The following FANCA variants were observed in gnomAD, a reference collection of about 807,000 sequenced individuals.
FANCA encodes the protein Fanconi anemia group A protein.
In FANCA, 236 loss-of-function variants were observed where a neutral mutation model predicts 194.3. That is an observed-to-expected ratio of 1.21 (90% CI 1.09 to 1.35). The LOEUF (loss-of-function observed/expected upper bound fraction) is 1.35. Among genes scored for constraint, FANCA ranks in the 40% most tolerant of loss-of-function variants. FANCA has a pLI of 0.00. For synonymous variants in FANCA, 1,014 were observed against 715.8 expected (o/e 1.42, Z -6.65); for missense variants, 2,628 against 1,813.9 (o/e 1.45, Z -8.15).
rs1158850217 is a variant in FANCA at position 89,784,883 on chromosome 16, C to G, written c.1441G>C (p.Val481Leu). 1.2e-6 allele frequency: 2 copies of G among 1,614,100 alleles called. No homozygotes were observed. The highest frequency in any genetic ancestry group is 1.7e-6 in the Non-Finnish European group (2 of 1,179,954). The change falls in exon 15 of 43, where the codon GTG becomes CTG. Residue 481 changes from valine (V) to leucine (L), a missense_variant. Transcript: ENST00000389301. ...AGGTACCGGGGAGACTCAAAAGGCA[C>G]GAGTTCTGACAAGAACGTAAACAGG... is the stretch of plus-strand genomic sequence containing the variant. Reference protein sequence around the residue: ...VFLFTFLSELVPFESPRYLQV... With the variant: ...VFLFTFLSELLPFESPRYLQV...
chr16:89,795,594 C>T (rs541169466), intron 11 of FANCA, among the ~76,000 whole-genome samples: 5 of 152,280 alleles, frequency 3.3e-5, no homozygotes, highest in South Asian at 2.1e-4. Flanking sequence ...GCTGAGATCA[C>T]GCCACTGCAC....
intron 33 of FANCA, among the ~76,000 whole-genome samples, chr16:89,747,311 G>A (rs887167223): frequency 1.3e-5 from 2 of 152,230 alleles, no homozygotes; most frequent in South Asian, 2.1e-4. Context: ...CCAACTGAGA[G>A]CTTTCTGAAA....
At chr16:89,744,797 C>T (rs900814952) in intron 36 of FANCA, 162 bp downstream of exon 36, 3 of 702,314 alleles carry the variant, frequency 4.3e-6, no homozygotes, top group Non-Finnish European at 7.6e-6. Context: ...GTTGGGATTA[C>T]AGGCGCCCAC....
At chr16:89,772,206 G>A (rs2039350157) in intron 22 of FANCA, among the ~76,000 whole-genome samples, 1 of 152,196 alleles carries the variant, frequency 6.6e-6, no homozygotes, top group South Asian at 2.1e-4. Context: ...ATCATTTAAA[G>A]GTGAAAACCG....
At chr16:89,744,675 T>G (rs2062204455) in intron 36 of FANCA, 2 of 438,806 alleles carry the variant, frequency 4.6e-6, no homozygotes, top group African/African-American at 2.1e-5. Context: ...GTTTTTTTTT[T>G]TGTTTTTTTT....
At chr16:89,803,430 G>A in intron 7 of FANCA, 89 bp from the exon 8 acceptor site, 9 of 1,242,460 alleles carry the variant, frequency 7.2e-6, no homozygotes, top group Non-Finnish European at 8.3e-6. Context: ...CAGAGGGGCG[G>A]GTGAGCATAT....
chr16:89,764,745 C>T (rs1277445885), intron 28 of FANCA, 145 bp downstream of exon 28: 19 of 974,366 alleles, frequency 1.9e-5, no homozygotes, highest in Non-Finnish European at 3.0e-5. Flanking sequence ...AGGAGACAGT[C>T]GGCACACACA....
intron 29 of FANCA, among the ~76,000 whole-genome samples, chr16:89,759,752 C>T (rs1014460961): frequency 6.6e-6 from 1 of 152,176 alleles, no homozygotes; most frequent in South Asian, 2.1e-4. Flanking sequence ...CAGAGTGAGA[C>T]CCTGTCTCAA....
chr16:89,770,940 T>G (rs1323400646), intron 23 of FANCA, among the ~76,000 whole-genome samples: 1 of 152,002 alleles, frequency 6.6e-6, no homozygotes, highest in Non-Finnish European at 1.5e-5. Flanking sequence ...ACAGCCTCTG[T>G]CGCATATTCT....
Position 89,776,190 on chromosome 16 carries a change from CAG to C in FANCA, c.1827-377_1827-376del, listed in dbSNP as rs1053954562. Among the ~76,000 whole-genome samples, 15 of 103,098 alleles carry C rather than the reference CAG, an allele frequency of 1.5e-4. No individual in the cohort carries two copies. In the East Asian group the frequency reaches 3.1e-3, roughly 21 times the overall value. 67.6% of individuals were successfully genotyped at this position (103,098 alleles called of 152,430 possible). The stretch of plus-strand genomic sequence containing the variant: ...TTTTTTTTTTTTTTTTTTTTTGAGA[CAG>C]AGTCTCCCACTATCACCCACACTGG... On this transcript the variant is annotated intron_variant, in intron 20 of 42. Coordinates refer to ENST00000389301, the MANE Select transcript of FANCA (RefSeq NM_000135.4).
chr16:89,788,936 C>A (rs2039980919), intron 14 of FANCA, among the ~76,000 whole-genome samples: 1 of 151,916 alleles, frequency 6.6e-6, no homozygotes, highest in Non-Finnish European at 1.5e-5. Context: ...ACCAAAACAC[C>A]ACCACCAACA....
At position 89,769,802 on chromosome 16, in the gene FANCA, A is replaced by G. The variant is rs902300768; in HGVS notation, c.2504+35T>C. On this transcript the variant is annotated intron_variant, in intron 26 of 42. Transcript: ENST00000389301. Reference sequence around the variant, plus strand: ...GAGCATGTGTCACTTTTCGAGAGAGAGGAGAGAAGACGCGACTGTGGAAGA... The same window carrying G: ...GAGCATGTGTCACTTTTCGAGAGAGGGGAGAGAAGACGCGACTGTGGAAGA... The G allele has an allele frequency of 6.8e-6, 11 of 1,610,492 alleles. No individual in the cohort carries two copies. In the Middle Eastern group the frequency reaches 6.6e-4, roughly 97 times the overall value.
At chr16:89,746,394 G>A (rs549962010) in intron 35 of FANCA, among the ~76,000 whole-genome samples, 190 bp downstream of exon 35, 1 of 152,256 alleles carries the variant, frequency 6.6e-6, no homozygotes, top group East Asian at 1.9e-4. Context: ...GGACGGTTCT[G>A]GGAACTCAGG....
intron 6 of FANCA, among the ~76,000 whole-genome samples, chr16:89,807,570 C>A (rs1159191525): frequency 6.6e-6 from 1 of 151,730 alleles, no homozygotes; most frequent in Admixed American, 6.6e-5. Context: ...GCTAACATGG[C>A]GAAACCACAT....
At chr16:89,744,537 G>A (rs938455354) in intron 36 of FANCA, 15 of 303,536 alleles carry the variant, frequency 4.9e-5, no homozygotes, top group African/African-American at 1.5e-4. Context: ...AGCACGCGGT[G>A]CACTCTAGGA....
rs560190575 is a variant in FANCA, at chr16:89,762,191, G to C, written c.2779-169C>G. Among the ~76,000 whole-genome samples, 12 of 152,302 alleles carry C rather than the reference G, an allele frequency of 7.9e-5. No individual in the cohort carries two copies. In the East Asian group the frequency reaches 1.5e-3, roughly 20 times the overall value. On this transcript the variant is annotated intron_variant, in intron 28 of 42. Coordinates refer to ENST00000389301, the MANE Select transcript of FANCA (RefSeq NM_000135.4). ...AGGAAAGAAACCTTAGTTTTATCAA[G>C]AATGATTTCTTACAGGATTTCCCTA...
chr16:89,807,661 G>A (rs1486645101), intron 6 of FANCA, among the ~76,000 whole-genome samples: 1 of 151,500 alleles, frequency 6.6e-6, no homozygotes, highest in Admixed American at 6.6e-5. Context: ...GAGGCGGGCA[G>A]ATCCTGAAGT....
At chr16:89,747,945 C>T (rs560823619) in intron 33 of FANCA, among the ~76,000 whole-genome samples, 1 of 152,262 alleles carries the variant, frequency 6.6e-6, no homozygotes, top group East Asian at 1.9e-4. Context: ...AAGAGTTTCG[C>T]TCTGTCACCC....
intron 40 of FANCA, 83 bp from the exon 41 acceptor site, chr16:89,739,372 G>C (rs1400296929): frequency 6.3e-7 from 1 of 1,590,690 alleles, no homozygotes; most frequent in Middle Eastern, 1.8e-4. Flanking sequence ...CTCATCTGTG[G>C]AGCAGAGGCA....
Sources: gnomAD v4.1 joint callset for allele counts (sites outside exome capture counted in the v4.1 genomes callset) on GRCh38, gnomAD v4.1.1 for gene constraint, MANE v1.5 for transcripts, NCBI Gene and HGNC (gene_info 2026-07-23, HGNC 2026-07-21) for gene names.